The following PRKN variants were observed in gnomAD, a reference collection of about 807,000 sequenced individuals.
PRKN encodes E3 ubiquitin-protein ligase parkin.
Under a neutral mutation model 59.5 loss-of-function variants are expected in PRKN, and 56 were observed. The ratio of observed to expected loss-of-function variants is 0.94; its 90% confidence interval spans 0.76 to 1.18. The LOEUF is 1.18. Ranked by LOEUF, PRKN falls within the 50% of genes most tolerant of loss-of-function variation. The probability of loss-of-function intolerance (pLI) is 0.00; values close to 1 mark genes in which losing one functional copy is unlikely to be tolerated. For synonymous variants in PRKN, 250 were observed against 222.1 expected, an observed-to-expected ratio of 1.13 and a Z score of -1.12; for missense variants, 657 against 596.4, an observed-to-expected ratio of 1.10 and a Z score of -1.06.
intron 1 of PRKN, among the ~76,000 whole-genome samples, chr6:162,686,462 C>T (rs1777557978): frequency 6.6e-6 from 1 of 152,038 alleles, no homozygotes; most frequent in Non-Finnish European, 1.5e-5. Flanking sequence ...GTTTGTTTTG[C>T]TTTGGCTTGA....
At chr6:162,553,557 A>AAAAAAAAAAC (rs1554242558) in intron 1 of PRKN, among the ~76,000 whole-genome samples, 1 of 138,664 alleles carries the variant, frequency 7.2e-6, no homozygotes. Context: ...AAAAAAAAAA[A>AAAAAAAAAAC]CACCCTAAAG....
At chr6:161,795,704 G>A (rs1421084136) in intron 6 of PRKN, among the ~76,000 whole-genome samples, 1 of 152,000 alleles carries the variant, frequency 6.6e-6, no homozygotes, top group Non-Finnish European at 1.5e-5. Flanking sequence ...ACTCAGTCAG[G>A]GACACCTTGG....
chr6:161,834,963 C>T (rs1792684259), intron 6 of PRKN, among the ~76,000 whole-genome samples: 1 of 152,132 alleles, frequency 6.6e-6, no homozygotes, highest in Non-Finnish European at 1.5e-5. Flanking sequence ...CCCCACCCCA[C>T]CCCGGAGCAC....
At chr6:162,580,724 C>G (rs929661624) in intron 1 of PRKN, among the ~76,000 whole-genome samples, 3 of 152,150 alleles carry the variant, frequency 2.0e-5, no homozygotes, top group African/African-American at 7.2e-5. Flanking sequence ...CCACAGAAAC[C>G]TTGAGCTACA....
At chr6:162,700,981 A>C (rs1232494827) in intron 1 of PRKN, among the ~76,000 whole-genome samples, 2 of 152,076 alleles carry the variant, frequency 1.3e-5, no homozygotes, top group Non-Finnish European at 2.9e-5. Context: ...CCCCAGATAA[A>C]ACATAAACTT....
intron 7 of PRKN, chr6:161,783,763 G>A (rs1040918042): frequency 2.7e-5 from 12 of 441,526 alleles, no homozygotes; most frequent in Admixed American, 2.1e-4. Flanking sequence ...GATTTTGGAT[G>A]CTTTTGTTAA....
Position 161,360,582 on chromosome 6 carries a change from T to C in PRKN, c.1168-377A>G, listed in dbSNP as rs1486476260. On this transcript the variant is annotated intron_variant, in intron 10 of 11. Coordinates refer to ENST00000366898, the MANE Select transcript of PRKN (RefSeq NM_004562.3). This position sits in a 1 kb window ranked among gnomAD's most constrained non-coding sequence, Gnocchi z 5.1. ...ATGTGAAGTGAGGATCTAGTTTTTA[T>C]TCCACATTGAGGATTCGATGGGTGA... Among the ~76,000 whole-genome samples, 1 of 152,250 alleles carries C rather than the reference T, an allele frequency of 6.6e-6. No individual in the cohort carries two copies. The highest frequency in any genetic ancestry group is 6.5e-5 in the Admixed American group (1 of 15,288).
At chr6:162,612,799 G>A (rs1782251925) in intron 1 of PRKN, among the ~76,000 whole-genome samples, 1 of 152,018 alleles carries the variant, frequency 6.6e-6, no homozygotes, top group Non-Finnish European at 1.5e-5. Context: ...AGCTCCCTAG[G>A]GAGGGTGCAG....
chr6:162,545,634 A>G (rs1001685062), intron 1 of PRKN, among the ~76,000 whole-genome samples: 2 of 152,204 alleles, frequency 1.3e-5, no homozygotes, highest in Admixed American at 1.3e-4. Context: ...TGGTATTCTA[A>G]TAGTATTTTT....
intron 7 of PRKN, among the ~76,000 whole-genome samples, chr6:161,613,623 A>G (rs1782566528): frequency 6.6e-6 from 1 of 152,134 alleles, no homozygotes; most frequent in Admixed American, 6.5e-5. Flanking sequence ...TTGTCTTAGA[A>G]ATTGCCACAG....
At chr6:161,766,417 T>A (rs776877155) in intron 7 of PRKN, among the ~76,000 whole-genome samples, 1 of 151,712 alleles carries the variant, frequency 6.6e-6, no homozygotes, top group South Asian at 2.1e-4. Flanking sequence ...AAGTAATTCT[T>A]CTGCCTCAGC....
intron 2 of PRKN, among the ~76,000 whole-genome samples, chr6:162,269,186 C>G (rs1168713702): frequency 6.6e-6 from 1 of 152,138 alleles, no homozygotes; most frequent in African/African-American, 2.4e-5. Flanking sequence ...GAAGACTGCA[C>G]TTATCACGTC....
chr6:162,045,509 A>C (rs1215348077), intron 5 of PRKN, among the ~76,000 whole-genome samples: 1 of 152,248 alleles, frequency 6.6e-6, no homozygotes, highest in Non-Finnish European at 1.5e-5. Context: ...ACAGTACGTG[A>C]CATCGTCTCA....
chr6:161,633,304 A>G (rs555851218), intron 7 of PRKN, among the ~76,000 whole-genome samples: 6 of 152,148 alleles, frequency 3.9e-5, no homozygotes, highest in Admixed American at 1.3e-4. Flanking sequence ...CCAGTTTGTC[A>G]TACTGTGTTT....
chr6:162,611,956 C>T (rs369322449), intron 1 of PRKN, among the ~76,000 whole-genome samples: 61 of 151,612 alleles, frequency 4.0e-4, no homozygotes, highest in Non-Finnish European at 5.9e-4. Context: ...GAGGCCAAGG[C>T]GGGCGTATCA....
chr6:161,516,506 A>C (rs1013708834), intron 9 of PRKN, among the ~76,000 whole-genome samples: 26 of 140,414 alleles, frequency 1.9e-4, no homozygotes, highest in African/African-American at 6.6e-4. Flanking sequence ...AGAAGAAGAA[A>C]GAAGAAAGAA....
intron 6 of PRKN, among the ~76,000 whole-genome samples, chr6:161,911,895 G>A (rs573022681): frequency 5.9e-4 from 89 of 152,020 alleles, no homozygotes; most frequent in African/African-American, 2.1e-3. Context: ...AAGAAACGAT[G>A]GGCCAGGCAT....
At chr6:162,352,693 C>T (rs183791254) in intron 2 of PRKN, among the ~76,000 whole-genome samples, 3 of 152,242 alleles carry the variant, frequency 2.0e-5, no homozygotes, top group East Asian at 1.9e-4. Context: ...CTTCATCTCA[C>T]GTCTAATTAT....
intron 1 of PRKN, among the ~76,000 whole-genome samples, chr6:162,584,814 TCCC>T (rs1562409133): frequency 2.0e-3 from 11 of 5,574 alleles, no homozygotes; most frequent in Admixed American, 2.7e-3. Context: ...TCCCCTCCCC[TCCC>T]CTCCCCTCCC....
Sources: gnomAD v4.1 joint callset for allele counts (sites outside exome capture counted in the v4.1 genomes callset) on GRCh38, gnomAD v4.1.1 for gene constraint, Gnocchi (gnomAD v3.1) non-coding constraint, MANE v1.5 for transcripts, NCBI Gene and HGNC (gene_info 2026-07-23, HGNC 2026-07-21) for gene names.